The following CA10 variants were observed in gnomAD, a reference collection of about 807,000 sequenced individuals.
CA10 encodes the protein carbonic anhydrase-related protein 10.
A neutral mutation model predicts 44.2 loss-of-function variants in CA10; 14 were observed. The observed-to-expected ratio is 0.32, with a 90% confidence interval of 0.21 to 0.50. The LOEUF (loss-of-function observed/expected upper bound fraction) is 0.50. Among genes scored for constraint, CA10 ranks in the 20% least tolerant of loss-of-function variants. The pLI is 0.99. For missense variants in CA10, 350 were observed against 409.7 expected, an observed-to-expected ratio of 0.85 and a Z score of 1.26; for synonymous variants, 159 against 141.6, an observed-to-expected ratio of 1.12 and a Z score of -0.87.
chr17:51,795,342 A>AC (rs1906665739), intron 3 of CA10, among the ~76,000 whole-genome samples: 1 of 152,206 alleles, frequency 6.6e-6, no homozygotes, highest in African/African-American at 2.4e-5. Flanking sequence ...AGCCATCTAA[A>AC]CACAATTCTG....
chr17:51,763,701 C>T (rs1167496277), intron 3 of CA10, among the ~76,000 whole-genome samples: 1 of 152,138 alleles, frequency 6.6e-6, no homozygotes, highest in Non-Finnish European at 1.5e-5. Flanking sequence ...CTTAAATGCT[C>T]ACAGCAAAAC....
chr17:52,101,696 C>T (rs1047589635), intron 1 of CA10, among the ~76,000 whole-genome samples: 11 of 152,144 alleles, frequency 7.2e-5, no homozygotes, highest in African/African-American at 2.4e-4. Context: ...GATCACTTGT[C>T]TTGGCTGCCA....
chr17:51,760,891 C>T (rs972697657), intron 3 of CA10, among the ~76,000 whole-genome samples: 1 of 152,092 alleles, frequency 6.6e-6, no homozygotes, highest in Non-Finnish European at 1.5e-5. Context: ...AACATGTAAT[C>T]GATATAATAA....
At chr17:51,818,361 TTTTTA>T (rs1305635021) in intron 3 of CA10, among the ~76,000 whole-genome samples, 1 of 152,246 alleles carries the variant, frequency 6.6e-6, no homozygotes, top group Non-Finnish European at 1.5e-5. Flanking sequence ...CATCTGACTC[TTTTTA>T]TTTAAGTATA....
chr17:52,116,804 T>G (rs956477008), intron 1 of CA10, among the ~76,000 whole-genome samples: 1 of 152,192 alleles, frequency 6.6e-6, no homozygotes, highest in African/African-American at 2.4e-5. Flanking sequence ...CCTCTCCCTG[T>G]GCACACCAGT....
chr17:52,110,159 T>C (rs1031225224), intron 1 of CA10, among the ~76,000 whole-genome samples: 1 of 152,220 alleles, frequency 6.6e-6, no homozygotes, highest in Non-Finnish European at 1.5e-5. Context: ...CAGTCATGTT[T>C]TCCAACTGAA....
chr17:51,943,120 TTTAA>T (rs1343718244), intron 2 of CA10, among the ~76,000 whole-genome samples: 19 of 152,310 alleles, frequency 1.2e-4, no homozygotes, highest in African/African-American at 4.1e-4. Flanking sequence ...GTGCTTTTGC[TTTAA>T]TTATTCTTTC....
chr17:52,062,273 A>C (rs1987409798), intron 2 of CA10, among the ~76,000 whole-genome samples: 1 of 152,048 alleles, frequency 6.6e-6, no homozygotes, highest in Non-Finnish European at 1.5e-5. Context: ...AAGATATGGC[A>C]GCAAAGGAAT....
At chr17:51,991,599 C>A (rs924355897) in intron 2 of CA10, among the ~76,000 whole-genome samples, 1 of 152,016 alleles carries the variant, frequency 6.6e-6, no homozygotes, top group Non-Finnish European at 1.5e-5. Context: ...CACCAGAGGT[C>A]GGGAGTTTGA....
intron 2 of CA10, among the ~76,000 whole-genome samples, chr17:51,980,036 G>T (rs905105827): frequency 6.6e-6 from 1 of 152,080 alleles, no homozygotes; most frequent in African/African-American, 2.4e-5. Context: ...ATTCTTCTGG[G>T]TATATACCCA....
intron 4 of CA10, among the ~76,000 whole-genome samples, chr17:51,687,191 T>G (rs939795335): frequency 1.3e-5 from 2 of 152,196 alleles, no homozygotes; most frequent in African/African-American, 4.8e-5. Context: ...CTCATTCCCA[T>G]GTTTGAAATT....
In CA10 at chr17:52,127,507, C is replaced by G. The variant is rs573441902; in HGVS notation, c.61+30219G>C. Reference sequence around the variant, plus strand: ...TCCTCCATTTAAATTTAAATAGACACTGCAGACTTGCCCTCCAATAATGAA... The same window carrying G: ...TCCTCCATTTAAATTTAAATAGACAGTGCAGACTTGCCCTCCAATAATGAA... On this transcript the variant is annotated intron_variant, in intron 1 of 8. Coordinates refer to ENST00000451037, the MANE Select transcript of CA10 (RefSeq NM_020178.5). Among the ~76,000 whole-genome samples, 154 of 152,250 alleles carry G rather than the reference C, an allele frequency of 1.0e-3. 4 individuals are homozygous for G. The South Asian group carries it at 0.031, about 31-fold the overall frequency.
chr17:51,979,747 T>C (rs770324772), intron 2 of CA10, among the ~76,000 whole-genome samples: 4 of 152,160 alleles, frequency 2.6e-5, no homozygotes, highest in Non-Finnish European at 5.9e-5. Flanking sequence ...TTACATGGAT[T>C]CCATGAAATG....
intron 3 of CA10, among the ~76,000 whole-genome samples, chr17:51,877,595 T>C (rs1980135622): frequency 6.6e-6 from 1 of 152,208 alleles, no homozygotes; most frequent in African/African-American, 2.4e-5. Flanking sequence ...AATTCAAAGA[T>C]ATGAAGTTAA....
intron 3 of CA10, among the ~76,000 whole-genome samples, chr17:51,929,628 T>C (rs1447669119): frequency 6.6e-6 from 1 of 152,178 alleles, no homozygotes; most frequent in Admixed American, 6.5e-5. Flanking sequence ...TGACTGAATA[T>C]TTAATCATAA....
chr17:51,652,036 T>C (rs1211011280), intron 5 of CA10, among the ~76,000 whole-genome samples: 1 of 152,176 alleles, frequency 6.6e-6, no homozygotes, highest in Non-Finnish European at 1.5e-5. Context: ...GTGGGAAGAA[T>C]GTTTTAAAAT....
intron 2 of CA10, among the ~76,000 whole-genome samples, chr17:51,972,637 C>T (rs1166367061): frequency 6.6e-6 from 1 of 151,970 alleles, no homozygotes; most frequent in Non-Finnish European, 1.5e-5. Context: ...AAAAGAGGCC[C>T]TTGTTTGAAA....
chr17:51,875,512 T>G (rs1249237957), intron 3 of CA10, among the ~76,000 whole-genome samples: 1 of 152,186 alleles, frequency 6.6e-6, no homozygotes, highest in Non-Finnish European at 1.5e-5. Flanking sequence ...GGAGGCAGCT[T>G]TATGCAATGG....
intron 2 of CA10, among the ~76,000 whole-genome samples, chr17:51,967,049 G>T (rs1409191397): frequency 6.6e-6 from 1 of 151,482 alleles, no homozygotes; most frequent in East Asian, 1.9e-4. Context: ...CAAAAGACAT[G>T]AACAGCCACT....
Sources: allele counts gnomAD v4.1 joint callset (sites outside exome capture counted in the v4.1 genomes callset), GRCh38; gene constraint gnomAD v4.1.1; transcripts MANE v1.5; gene names NCBI Gene and HGNC (gene_info 2026-07-23, HGNC 2026-07-21).